WWC1: variants seen among roughly 807,000 people sequenced by gnomAD.
WWC1 encodes the protein WW and C2 domain containing 1.
WWC1 carries 55 observed loss-of-function variants against 138.4 expected under a neutral mutation model. The ratio of observed to expected loss-of-function variants is 0.40; its 90% confidence interval spans 0.32 to 0.50. WWC1 has a LOEUF of 0.50. Among genes scored for constraint, WWC1 ranks in the 20% least tolerant of loss-of-function variants. The pLI is 0.72. For missense variants in WWC1, 1,226 were observed against 1,420.4 expected (o/e 0.86, Z 2.20); for synonymous variants, 524 against 564.9 (o/e 0.93, Z 1.03).
intron 17 of WWC1, 30 bp downstream of exon 17, chr5:168,444,615 G>A (rs1377703287): frequency 1.2e-6 from 2 of 1,610,940 alleles, no homozygotes; most frequent in East Asian, 2.2e-5. Flanking sequence ...GGCCCCAGGA[G>A]CTGCCCTGCC....
intron 1 of WWC1, among the ~76,000 whole-genome samples, chr5:168,366,288 T>A (rs1776282819): frequency 6.6e-6 from 1 of 152,190 alleles, no homozygotes; most frequent in South Asian, 2.1e-4. Context: ...TTCATCTCCC[T>A]CTTGGCATTT....
rs1163724183 is a variant in WWC1, at chr5:168,292,293, C to G, written c.119+22C>G. The G allele has an allele frequency of 1.3e-6, 2 of 1,577,644 alleles. No individual in the cohort carries two copies. Among genetic ancestry groups the G allele is most frequent in the Non-Finnish European group, 1.7e-6 (2 of 1,162,682 alleles). On this transcript the variant is annotated intron_variant, in intron 1 of 22. Coordinates refer to ENST00000265293, the MANE Select transcript of WWC1 (RefSeq NM_015238.3). The surrounding 1 kb of genome is among the most constrained non-coding windows in gnomAD (Gnocchi z 4.4). The stretch of plus-strand genomic sequence containing the variant: ...ACAGGTAGGACCCTGGAACCCTCCT[C>G]CGTGCCCCCACACCCCCGCCTGGGC...
intron 1 of WWC1, among the ~76,000 whole-genome samples, chr5:168,319,906 A>C (rs893445281): frequency 1.3e-5 from 2 of 152,170 alleles, no homozygotes; most frequent in Middle Eastern, 3.2e-3. Context: ...CGTCATCATC[A>C]ACACTTATTA....
intron 3 of WWC1, among the ~76,000 whole-genome samples, chr5:168,396,346 G>A (rs1778904127): frequency 6.6e-6 from 1 of 151,882 alleles, no homozygotes; most frequent in Non-Finnish European, 1.5e-5. Context: ...CTGTGCCACT[G>A]CACTGCAGCC....
chr5:168,306,679 C>G (rs949167468), intron 1 of WWC1, among the ~76,000 whole-genome samples: 1 of 152,186 alleles, frequency 6.6e-6, no homozygotes, highest in African/African-American at 2.4e-5. Context: ...TGACTGCAAC[C>G]TCTGCCTCCT....
intron 2 of WWC1, among the ~76,000 whole-genome samples, chr5:168,382,613 GA>G (rs1412548757): frequency 6.6e-6 from 1 of 152,176 alleles, no homozygotes; most frequent in Non-Finnish European, 1.5e-5. Context: ...AACGCCAAGG[GA>G]ATCCACAGCT....
At chr5:168,406,348 G>T (rs372101557) in intron 6 of WWC1, 21 bp downstream of exon 6, 287 of 1,612,562 alleles carry the variant, frequency 1.8e-4, no homozygotes, top group Middle Eastern at 4.9e-4. Context: ...TCCTGTTGAT[G>T]TGGGTGCCAT....
chr5:168,293,152 C>T (rs1195958421), intron 1 of WWC1, among the ~76,000 whole-genome samples: 1 of 152,196 alleles, frequency 6.6e-6, no homozygotes, highest in Non-Finnish European at 1.5e-5. Context: ...TGGCTCTTAC[C>T]TCTCCAGACT....
chr5:168,371,280 G>T, intron 1 of WWC1, 144 bp from the exon 2 acceptor site: 1 of 597,310 alleles, frequency 1.7e-6, no homozygotes, highest in Non-Finnish European at 3.1e-6. Context: ...GAACAAAGGG[G>T]ACAACAGAGC....
At chr5:168,332,091 A>G (rs185697011) in intron 1 of WWC1, among the ~76,000 whole-genome samples, 1 of 151,774 alleles carries the variant, frequency 6.6e-6, no homozygotes, top group Non-Finnish European at 1.5e-5. Flanking sequence ...GGTTGCAGAG[A>G]GCTGAGATCA....
chr5:168,297,357 T>C (rs1191412384), intron 1 of WWC1, among the ~76,000 whole-genome samples: 1 of 152,186 alleles, frequency 6.6e-6, no homozygotes, highest in Non-Finnish European at 1.5e-5. Flanking sequence ...CCTGGTGCGG[T>C]GGCTCATGCC....
chr5:168,348,222 G>T (rs1348164698), intron 1 of WWC1, among the ~76,000 whole-genome samples: 1 of 152,224 alleles, frequency 6.6e-6, no homozygotes, highest in Non-Finnish European at 1.5e-5. Flanking sequence ...GGCAGAGCTG[G>T]TTCCTGAGCT....
chr5:168,364,357 T>C (rs1776119726), intron 1 of WWC1, among the ~76,000 whole-genome samples: 1 of 151,142 alleles, frequency 6.6e-6, no homozygotes, highest in African/African-American at 2.4e-5. Flanking sequence ...ATTCTCTCCC[T>C]GCCCATGGCC....
rs1318301455 is a variant in WWC1 at position 168,428,123 on chromosome 5, A to G, written c.1901A>G (p.Tyr634Cys). The G allele has an allele frequency of 6.2e-7, 1 of 1,613,294 alleles. No homozygotes were observed. The highest frequency in any genetic ancestry group is 8.5e-7 in the Non-Finnish European group (1 of 1,179,572). ...DESVAGDSGV[Y>C]EASVQRLGAS... ...TCAGTGGCTGGAGACAGTGGTGTGT[A>G]CGAGGCTTCCGTGCAGAGGTAGGTG... The change falls in exon 12 of 23, where the codon TAC (tyrosine) becomes TGC (cysteine). Residue 634 changes from tyrosine (Y) to cysteine (C), a missense_variant. Around this residue, in one of 3 missense-constraint regions of WWC1, gnomAD observed 1,016 missense variants for 1,153.9 expected, o/e 0.88. Coordinates refer to ENST00000265293, the MANE Select transcript of WWC1 (RefSeq NM_015238.3).
chr5:168,396,510 T>A (rs1216794328), intron 3 of WWC1, among the ~76,000 whole-genome samples: 2 of 152,230 alleles, frequency 1.3e-5, no homozygotes, highest in African/African-American at 2.4e-5. Context: ...TCCTACAGTG[T>A]GATTAAGGAC....
chr5:168,439,275 A>C (rs1208652958), intron 15 of WWC1, among the ~76,000 whole-genome samples: 1 of 152,134 alleles, frequency 6.6e-6, no homozygotes, highest in East Asian at 1.9e-4. Context: ...ATTCCATTGT[A>C]TGGATAGATT....
chr5:168,301,016 T>G (rs1247779163), intron 1 of WWC1, among the ~76,000 whole-genome samples: 1 of 152,232 alleles, frequency 6.6e-6, no homozygotes, highest in East Asian at 1.9e-4. Flanking sequence ...TTTGTATCAC[T>G]AACAGTGAGA....
intron 1 of WWC1, among the ~76,000 whole-genome samples, chr5:168,311,320 A>T (rs1771055820): frequency 1.6e-5 from 1 of 61,022 alleles, no homozygotes. Context: ...TGGCTCTGGA[A>T]AAAAGCACAG....
chr5:168,353,502 C>T (rs1775154939), intron 1 of WWC1, among the ~76,000 whole-genome samples: 1 of 152,246 alleles, frequency 6.6e-6, no homozygotes, highest in Non-Finnish European at 1.5e-5. Context: ...CCACCTCTCT[C>T]AGGCCTCCTG....
Sources: gnomAD v4.1 joint callset for allele counts (sites outside exome capture counted in the v4.1 genomes callset) on GRCh38, gnomAD v4.1.1 for gene constraint, gnomAD v4.1.1 regional missense constraint, Gnocchi (gnomAD v3.1) non-coding constraint, MANE v1.5 for transcripts, NCBI Gene and HGNC (gene_info 2026-07-23, HGNC 2026-07-21) for gene names.